Variants in RBFOX1 observed in about 807,000 individuals in gnomAD.
The protein encoded by RBFOX1 is RNA binding fox-1 homolog 1.
Under a neutral mutation model 57.7 loss-of-function variants are expected in RBFOX1, and 8 were observed. That is an observed-to-expected ratio of 0.14 (90% CI 0.08 to 0.25). The LOEUF (loss-of-function observed/expected upper bound fraction) is 0.25, where lower values mean the gene tolerates loss of function less well. Ranked by LOEUF, RBFOX1 falls within the 10% of genes least tolerant of loss-of-function variation. The probability of loss-of-function intolerance (pLI) is 1.00; values close to 1 mark genes in which losing one functional copy is unlikely to be tolerated. For synonymous variants in RBFOX1, 326 were observed against 222.4 expected, an observed-to-expected ratio of 1.47 and a Z score of -4.15; for missense variants, 611 against 548.5, an observed-to-expected ratio of 1.11 and a Z score of -1.14.
chr16:7,076,129 C>T (rs942414586), intron 4 of RBFOX1, among the ~76,000 whole-genome samples: 3 of 151,416 alleles, frequency 2.0e-5, no homozygotes, highest in Non-Finnish European at 1.5e-5. Context: ...GCAACCTCTG[C>T]CTCCCGGGTT....
At chr16:7,167,068 C>G (rs373468287) in intron 4 of RBFOX1, among the ~76,000 whole-genome samples, 17 of 139,318 alleles carry the variant, frequency 1.2e-4, no homozygotes, top group East Asian at 4.5e-4. Context: ...TCGCTGCAAC[C>G]TCCGTCCCCT....
intron 3 of RBFOX1, among the ~76,000 whole-genome samples, chr16:6,738,775 C>A (rs2071201354): frequency 6.6e-6 from 1 of 152,124 alleles, no homozygotes; most frequent in Non-Finnish European, 1.5e-5. Context: ...ACAGTGAAAT[C>A]TTGGGGTGTG....
intron 1 of RBFOX1, among the ~76,000 whole-genome samples, chr16:5,408,175 A>C (rs1363798864): frequency 2.0e-5 from 3 of 152,130 alleles, no homozygotes; most frequent in Non-Finnish European, 2.9e-5. Flanking sequence ...GTTTGAATGA[A>C]TGTTCTAAGA....
chr16:6,332,950 C>T (rs535016365), intron 2 of RBFOX1, among the ~76,000 whole-genome samples: 1 of 152,200 alleles, frequency 6.6e-6, no homozygotes, highest in Non-Finnish European at 1.5e-5. Flanking sequence ...TCTAACAGAT[C>T]ATAATCATTA....
intron 4 of RBFOX1, among the ~76,000 whole-genome samples, chr16:7,462,394 C>T (rs570745420): frequency 2.6e-5 from 4 of 152,308 alleles, no homozygotes; most frequent in Admixed American, 1.3e-4. Context: ...ACTCAGGGGG[C>T]TGAGGAGAAT....
At chr16:6,413,373 T>TA (rs1318471379) in intron 2 of RBFOX1, among the ~76,000 whole-genome samples, 2 of 151,694 alleles carry the variant, frequency 1.3e-5, no homozygotes, top group African/African-American at 4.8e-5. Flanking sequence ...TCTGTTGCCT[T>TA]AGCTGGTCTT....
At chr16:7,648,179 G>A (rs1252547902) in intron 11 of RBFOX1, among the ~76,000 whole-genome samples, 4 of 152,156 alleles carry the variant, frequency 2.6e-5, no homozygotes, top group African/African-American at 7.2e-5. Context: ...ATGCGAAGAA[G>A]CCATGTTGTC....
chr16:5,684,485 C>G (rs1445340253), intron 3 of RBFOX1, among the ~76,000 whole-genome samples: 2 of 152,156 alleles, frequency 1.3e-5, no homozygotes, highest in Admixed American at 6.5e-5. Context: ...CTGACTGTTC[C>G]TTGTGTAGGT....
At position 5,567,840 on chromosome 16, in the gene RBFOX1, TC is replaced by T. The variant is rs142387324; in HGVS notation, c.259-31058del. On this transcript the variant is annotated intron_variant, in intron 2 of 2. Coordinates refer to the RBFOX1 transcript ENST00000585867. ...ACGTCCTGATCATTATATTCGTTAA[TC>T]CCCACGACTTTCTTATTAAGGAAGT... Among the ~76,000 whole-genome samples the T allele has an allele frequency of 6.0e-3, 916 of 152,210 alleles. 4 individuals are homozygous for T. Among genetic ancestry groups the T allele is most frequent in the African/African-American group, 0.02 (846 of 41,534 alleles).
At chr16:7,558,878 TAGA>T (rs2089561199) in intron 5 of RBFOX1, among the ~76,000 whole-genome samples, 1 of 152,280 alleles carries the variant, frequency 6.6e-6, no homozygotes, top group Non-Finnish European at 1.5e-5. Flanking sequence ...CTGAAAAATG[TAGA>T]TGGGATTCAT....
At chr16:5,907,755 ATCATCATCATTT>A (rs1390421612) in intron 4 of RBFOX1, among the ~76,000 whole-genome samples, 1 of 149,874 alleles carries the variant, frequency 6.7e-6, no homozygotes, top group African/African-American at 2.5e-5. Context: ...CATCATCATC[ATCATCATCATTT>A]GAGATGGCAT....
At chr16:7,034,082 C>T (rs2043563835) in intron 3 of RBFOX1, among the ~76,000 whole-genome samples, 1 of 152,148 alleles carries the variant, frequency 6.6e-6, no homozygotes, top group South Asian at 2.1e-4. Context: ...CGCGGTGGTG[C>T]AGGTGTCCAT....
intron 3 of RBFOX1, among the ~76,000 whole-genome samples, chr16:5,730,866 G>A (rs943561303): frequency 1.3e-5 from 2 of 151,138 alleles, no homozygotes; most frequent in African/African-American, 4.9e-5. Context: ...TATCATCATT[G>A]TCATCACCAC....
rs539416481 is a variant in RBFOX1 at position 6,103,116 on chromosome 16, T to G, written c.-127+83124T>G. ...AGGAGATGAACAGTAGCACTGTGTG[T>G]CAGATATCTGAGAACATGCAATATT... On this transcript the variant is annotated intron_variant, in intron 1 of 15. Coordinates refer to ENST00000550418, the MANE Select transcript of RBFOX1 (RefSeq NM_018723.4). Among the ~76,000 whole-genome samples, 5 of 152,306 alleles carry G rather than the reference T, an allele frequency of 3.3e-5. No homozygotes were observed. The East Asian group carries it at 9.7e-4, about 29-fold the overall frequency.
At chr16:7,206,423 A>G (rs1259081067) in intron 4 of RBFOX1, among the ~76,000 whole-genome samples, 3 of 147,914 alleles carry the variant, frequency 2.0e-5, no homozygotes, top group Admixed American at 6.8e-5. Context: ...TGAAATATAT[A>G]TATACATATA....
At chr16:6,332,889 T>C (rs1170087539) in intron 2 of RBFOX1, among the ~76,000 whole-genome samples, 1 of 152,200 alleles carries the variant, frequency 6.6e-6, no homozygotes, top group Non-Finnish European at 1.5e-5. Context: ...ATGAAAGTTA[T>C]AGAACATAGA....
chr16:6,491,388 T>C (rs8046695), intron 2 of RBFOX1, among the ~76,000 whole-genome samples: 49,137 of 151,804 alleles, frequency 0.32, 8,578 homozygotes, highest in Non-Finnish European at 0.4. Flanking sequence ...TTAAAAAGAG[T>C]GTACCCAACA....
intron 3 of RBFOX1, among the ~76,000 whole-genome samples, chr16:7,030,462 C>G (rs1186370896): frequency 1.3e-5 from 2 of 152,190 alleles, no homozygotes; most frequent in Admixed American, 6.5e-5. Flanking sequence ...TCTGAAGGCT[C>G]TAGGGTAGAA....
chr16:6,884,810 A>G (rs1567710291), intron 3 of RBFOX1, among the ~76,000 whole-genome samples: 1 of 152,124 alleles, frequency 6.6e-6, no homozygotes. Flanking sequence ...AGGCAGGAGA[A>G]TCTCTTGAAC....
Sources: gnomAD v4.1 joint callset for allele counts (sites outside exome capture counted in the v4.1 genomes callset) on GRCh38, gnomAD v4.1.1 for gene constraint, MANE v1.5 for transcripts, NCBI Gene and HGNC (gene_info 2026-07-23, HGNC 2026-07-21) for gene names.